Variants in XKR6 observed in about 807,000 individuals in gnomAD.
XKR6 encodes the protein XK related 6.
Under a neutral mutation model 56.7 loss-of-function variants are expected in XKR6, and 22 were observed. The ratio of observed to expected loss-of-function variants is 0.39; its 90% CI spans 0.28 to 0.55. The LOEUF (loss-of-function observed/expected upper bound fraction) is 0.55. XKR6 is among the 20% of genes least tolerant of loss of function. XKR6 has a pLI of 0.66. For missense variants in XKR6, 852 were observed against 889.0 expected (o/e 0.96, Z 0.53); for synonymous variants, 524 against 387.8 (o/e 1.35, Z -4.13).
chr8:10,994,348 G>A (rs1798062477), intron 1 of XKR6, among the ~76,000 whole-genome samples: 1 of 152,246 alleles, frequency 6.6e-6, no homozygotes. Flanking sequence ...CCTGGGGATG[G>A]CACTCAGCTG....
chr8:11,189,428 T>A (rs759897990), intron 1 of XKR6, among the ~76,000 whole-genome samples: 2 of 152,206 alleles, frequency 1.3e-5, no homozygotes, highest in African/African-American at 2.4e-5. Flanking sequence ...CCAGGCATAA[T>A]ATATGGCAAC....
At chr8:10,966,345 T>C (rs1224785620) in intron 1 of XKR6, among the ~76,000 whole-genome samples, 1 of 151,730 alleles carries the variant, frequency 6.6e-6, no homozygotes, top group East Asian at 1.9e-4. Flanking sequence ...GCCTGTACCA[T>C]CACCATTAGC....
At chr8:10,907,767 C>G (rs1030861441) in intron 2 of XKR6, among the ~76,000 whole-genome samples, 1 of 152,222 alleles carries the variant, frequency 6.6e-6, no homozygotes, top group African/African-American at 2.4e-5. Context: ...GCCCTCTGAT[C>G]ACCTCTGTGA....
At chr8:11,079,889 C>T (rs1246468184) in intron 1 of XKR6, among the ~76,000 whole-genome samples, 1 of 152,124 alleles carries the variant, frequency 6.6e-6, no homozygotes, top group Non-Finnish European at 1.5e-5. Context: ...ATCACTTGAA[C>T]CCAGGAGTTC....
At position 11,187,764 on chromosome 8, in the gene XKR6, G is replaced by A. The variant is rs183211685; in HGVS notation, c.764+12812C>T. ...ACTCAATGATGGTGTGGGGGCACAT[G>A]AAGGCTACACTCTGAAACAGAGCTT... On this transcript the variant is annotated intron_variant, in intron 1 of 2. Transcript: ENST00000416569. 1.2e-3 allele frequency among the ~76,000 whole-genome samples: 179 copies of A among 152,294 alleles called. 1 individual carries two copies. The highest frequency in any genetic ancestry group is 4.2e-3 in the African/African-American group (174 of 41,562).
chr8:10,943,914 T>C (rs917730919), intron 1 of XKR6, among the ~76,000 whole-genome samples: 13 of 152,128 alleles, frequency 8.5e-5, no homozygotes, highest in African/African-American at 2.9e-4. Flanking sequence ...GGGAGTTCAA[T>C]GGCCCTGCTA....
intron 1 of XKR6, among the ~76,000 whole-genome samples, chr8:10,974,202 G>T (rs1563321490): frequency 6.6e-6 from 1 of 152,194 alleles, no homozygotes; most frequent in African/African-American, 2.4e-5. Context: ...ATGCTGGTGG[G>T]CTCCCACATG....
At chr8:10,922,487 A>G (rs1050952200) in intron 2 of XKR6, among the ~76,000 whole-genome samples, 4 of 152,252 alleles carry the variant, frequency 2.6e-5, no homozygotes, top group African/African-American at 9.6e-5. Flanking sequence ...GTAGGTTTCT[A>G]GAGCAAGAAT....
intron 1 of XKR6, among the ~76,000 whole-genome samples, chr8:11,165,673 T>A (rs1027293704): frequency 2.0e-5 from 3 of 152,084 alleles, no homozygotes; most frequent in African/African-American, 7.2e-5. Flanking sequence ...TCCTGAAAAA[T>A]TAACAGTGAA....
intron 1 of XKR6, chr8:11,194,839 C>T: frequency 2.5e-6 from 1 of 392,688 alleles, no homozygotes; most frequent in Non-Finnish European, 4.6e-6. Context: ...ATTTCAGGAG[C>T]ACCAGCCTTC....
chr8:11,121,526 C>G (rs1206947691), intron 1 of XKR6, among the ~76,000 whole-genome samples: 1 of 152,154 alleles, frequency 6.6e-6, no homozygotes, highest in Non-Finnish European at 1.5e-5. Context: ...ATTAAAAAGT[C>G]AGGAAACAAC....
intron 2 of XKR6, among the ~76,000 whole-genome samples, chr8:10,903,852 C>T (rs907948526): frequency 2.0e-5 from 3 of 152,124 alleles, no homozygotes; most frequent in African/African-American, 4.8e-5. Flanking sequence ...CAGCCACCGC[C>T]GAGTGATTCA....
chr8:11,091,300 T>C (rs1586532253), intron 1 of XKR6, among the ~76,000 whole-genome samples: 1 of 151,992 alleles, frequency 6.6e-6, no homozygotes, highest in East Asian at 1.9e-4. Context: ...TAGCCAGGTG[T>C]GGTGGTGCAT....
chr8:11,103,443 C>A (rs538174410), intron 1 of XKR6, among the ~76,000 whole-genome samples: 4 of 152,256 alleles, frequency 2.6e-5, no homozygotes, highest in Admixed American at 2.0e-4. Flanking sequence ...CATAGTTGCT[C>A]GCATTTGGAA....
chr8:11,148,408 G>A (rs1311555339), intron 1 of XKR6, among the ~76,000 whole-genome samples: 7 of 152,186 alleles, frequency 4.6e-5, no homozygotes. Context: ...AGGGGCCTCA[G>A]AGGAAACCAA....
chr8:10,988,091 A>G (rs1463610889), intron 1 of XKR6, among the ~76,000 whole-genome samples: 1 of 152,124 alleles, frequency 6.6e-6, no homozygotes, highest in African/African-American at 2.4e-5. Context: ...CATCCCCTCT[A>G]AAGTTTCACC....
At chr8:10,965,198 T>C (rs1331248746) in intron 1 of XKR6, among the ~76,000 whole-genome samples, 1 of 152,166 alleles carries the variant, frequency 6.6e-6, no homozygotes, top group Non-Finnish European at 1.5e-5. Flanking sequence ...AAGTCCTTCC[T>C]TGCCAGTTCT....
intron 1 of XKR6, among the ~76,000 whole-genome samples, chr8:11,077,722 G>C (rs530093626): frequency 6.6e-6 from 1 of 152,182 alleles, no homozygotes; most frequent in African/African-American, 2.4e-5. Context: ...CTCTCCAGGA[G>C]GAGTCCCATC....
chr8:11,123,768 G>T (rs745673073), intron 1 of XKR6: 1 of 431,222 alleles, frequency 2.3e-6, no homozygotes, highest in Non-Finnish European at 4.7e-6. Context: ...AACAAAAAAT[G>T]AAAAACAAAA....
Sources: allele counts gnomAD v4.1 joint callset (sites outside exome capture counted in the v4.1 genomes callset), GRCh38; gene constraint gnomAD v4.1.1; transcripts MANE v1.5; gene names NCBI Gene and HGNC (gene_info 2026-07-23, HGNC 2026-07-21).